DLG2: variants seen among roughly 807,000 people sequenced by gnomAD.
The protein encoded by DLG2 is discs large MAGUK scaffold protein 2, also known as disks large homolog 2.
DLG2 carries 45 observed loss-of-function variants against 132.5 expected under a neutral mutation model. The observed-to-expected ratio is 0.34, with a 90% CI of 0.27 to 0.44. The LOEUF is 0.44. Among genes scored for constraint, DLG2 ranks in the 20% least tolerant of loss-of-function variants. DLG2 has a pLI of 1.00. For missense variants in DLG2, 1,045 were observed against 1,196.9 expected, an observed-to-expected ratio of 0.87 and a Z score of 1.87; for synonymous variants, 424 against 419.6, an observed-to-expected ratio of 1.01 and a Z score of -0.13.
At chr11:85,326,232 G>T (rs1315083135) in intron 3 of DLG2, among the ~76,000 whole-genome samples, 3 of 135,516 alleles carry the variant, frequency 2.2e-5, no homozygotes, top group African/African-American at 8.6e-5. Flanking sequence ...CCCCAATCTA[G>T]CAAGGCAGGC....
At chr11:85,561,278 G>T (rs915788787) in intron 3 of DLG2, among the ~76,000 whole-genome samples, 1 of 119,656 alleles carries the variant, frequency 8.4e-6, no homozygotes, top group South Asian at 2.8e-4. Context: ...GTTGCAATGA[G>T]CTATGATCAT....
intron 19 of DLG2, among the ~76,000 whole-genome samples, chr11:83,605,733 G>A (rs964283424): frequency 1.3e-5 from 2 of 152,190 alleles, no homozygotes; most frequent in Non-Finnish European, 2.9e-5. Flanking sequence ...CTAAAGGACT[G>A]CAAAAGCCAG....
At chr11:85,395,310 G>C (rs1457931987) in intron 3 of DLG2, among the ~76,000 whole-genome samples, 1 of 152,198 alleles carries the variant, frequency 6.6e-6, no homozygotes, top group East Asian at 1.9e-4. Context: ...AATAGGAACA[G>C]CTCTGGTCTG....
At chr11:85,402,267 G>A (rs1217497461) in intron 3 of DLG2, among the ~76,000 whole-genome samples, 1 of 152,166 alleles carries the variant, frequency 6.6e-6, no homozygotes, top group Non-Finnish European at 1.5e-5. Flanking sequence ...AATAAATAGT[G>A]CTGTGAAAAC....
intron 3 of DLG2, among the ~76,000 whole-genome samples, chr11:85,527,484 A>G (rs1444458032): frequency 6.6e-6 from 1 of 151,990 alleles, no homozygotes; most frequent in Non-Finnish European, 1.5e-5. Context: ...GCTGAGGATA[A>G]TGGTTTCCAG....
At chr11:85,449,925 C>T (rs1253884447) in intron 3 of DLG2, among the ~76,000 whole-genome samples, 5 of 151,666 alleles carry the variant, frequency 3.3e-5, no homozygotes, top group Admixed American at 6.6e-5. Flanking sequence ...GTCGGGAGTT[C>T]GAGACCAGCC....
chr11:85,152,235 T>A (rs2077302439), intron 5 of DLG2, among the ~76,000 whole-genome samples: 1 of 151,052 alleles, frequency 6.6e-6, no homozygotes, highest in African/African-American at 2.4e-5. Flanking sequence ...ATAAGTTATT[T>A]ATTTATTAAT....
chr11:85,557,863 A>C (rs1035087580), intron 3 of DLG2, among the ~76,000 whole-genome samples: 3 of 151,900 alleles, frequency 2.0e-5, no homozygotes, highest in African/African-American at 7.2e-5. Context: ...TCCTAGAAGA[A>C]AACCAAGGAA....
chr11:84,927,063 C>A (rs1297715931), intron 6 of DLG2, among the ~76,000 whole-genome samples: 2 of 151,976 alleles, frequency 1.3e-5, no homozygotes, highest in Non-Finnish European at 2.9e-5. Context: ...TGAATTTAAA[C>A]CTATCTACAT....
chr11:84,478,363 T>C (rs1461639776), intron 7 of DLG2, among the ~76,000 whole-genome samples: 2 of 152,178 alleles, frequency 1.3e-5, no homozygotes, highest in Non-Finnish European at 2.9e-5. Flanking sequence ...AATCATACTA[T>C]ACATTTTCTT....
chr11:85,345,668 C>A (rs1159396571), intron 3 of DLG2, among the ~76,000 whole-genome samples: 1 of 151,986 alleles, frequency 6.6e-6, no homozygotes, highest in African/African-American at 2.4e-5. Context: ...AACTGGTCTG[C>A]CTAAAAAGCA....
intron 20 of DLG2, among the ~76,000 whole-genome samples, chr11:83,537,697 C>G (rs1315250381): frequency 6.6e-6 from 1 of 150,640 alleles, no homozygotes; most frequent in Non-Finnish European, 1.5e-5. Flanking sequence ...CATCTGTAAT[C>G]CCAGCTACTC....
rs143963456 is a variant in DLG2, at chr11:84,004,481, T to C, written c.920-23839A>G. ...TATGACTAACACACAGCTAACATCA[T>C]ACTGAATGGAGAAAAGTTGAAAGTT... On this transcript the variant is annotated intron_variant, in intron 11 of 27. Transcript: ENST00000376104. 4.2e-3 allele frequency among the ~76,000 whole-genome samples: 644 copies of C among 152,136 alleles called. 5 individuals carry two copies. The highest frequency in any genetic ancestry group is 0.015 in the African/African-American group (622 of 41,540).
chr11:85,038,405 C>T (rs74775461), intron 6 of DLG2, among the ~76,000 whole-genome samples: 6,540 of 151,990 alleles, frequency 0.043, 205 homozygotes, highest in Middle Eastern at 0.14. Context: ...GAACTAAGTA[C>T]CTGCACCCAC....
intron 7 of DLG2, among the ~76,000 whole-genome samples, chr11:84,480,328 G>A (rs1204696551): frequency 1.3e-5 from 2 of 152,202 alleles, no homozygotes; most frequent in East Asian, 3.9e-4. Flanking sequence ...AGTATGTATG[G>A]AGCTGCAGTA....
intron 4 of DLG2, among the ~76,000 whole-genome samples, chr11:85,214,620 C>G (rs1291385496): frequency 1.3e-5 from 2 of 152,188 alleles, no homozygotes; most frequent in East Asian, 1.9e-4. Context: ...TGTTTCCCCT[C>G]TCATCTGAAT....
intron 6 of DLG2, among the ~76,000 whole-genome samples, chr11:84,840,419 G>A (rs1013333318): frequency 5.9e-5 from 9 of 152,182 alleles, no homozygotes; most frequent in African/African-American, 2.2e-4. Flanking sequence ...CACCATTGTG[G>A]AAGACAGTGT....
chr11:85,358,014 A>T (rs1165283940), intron 3 of DLG2, among the ~76,000 whole-genome samples: 1 of 151,872 alleles, frequency 6.6e-6, no homozygotes, highest in Non-Finnish European at 1.5e-5. Flanking sequence ...ATAAAGGAAA[A>T]GGATCAGCCT....
intron 6 of DLG2, among the ~76,000 whole-genome samples, chr11:84,591,012 G>A (rs1329230493): frequency 6.6e-6 from 1 of 152,082 alleles, no homozygotes; most frequent in Non-Finnish European, 1.5e-5. Context: ...TCACAATAGA[G>A]TCCACCTTAC....
Sources: allele counts gnomAD v4.1 joint callset (sites outside exome capture counted in the v4.1 genomes callset), GRCh38; gene constraint gnomAD v4.1.1; transcripts MANE v1.5; gene names NCBI Gene and HGNC (gene_info 2026-07-23, HGNC 2026-07-21).